The following STK3 variants were observed in gnomAD, a reference collection of about 807,000 sequenced individuals.
STK3 encodes serine/threonine kinase 3.
STK3 carries 41 observed loss-of-function variants against 58.0 expected under a neutral mutation model. That is an observed-to-expected ratio of 0.71 (90% CI 0.55 to 0.92). STK3 has a LOEUF of 0.92. Ranked by LOEUF, STK3 falls within the 40% of genes least tolerant of loss-of-function variation. The probability of loss-of-function intolerance (pLI) is 0.00; values close to 1 mark genes in which losing one functional copy is unlikely to be tolerated. For missense variants in STK3, 479 were observed against 602.7 expected (o/e 0.79, Z 2.15); for synonymous variants, 170 against 191.0 (o/e 0.89, Z 0.91).
intron 6 of STK3, among the ~76,000 whole-genome samples, chr8:98,631,105 C>A (rs1248107414): frequency 6.6e-6 from 1 of 152,108 alleles, no homozygotes; most frequent in Non-Finnish European, 1.5e-5. Flanking sequence ...ACCTTTACTA[C>A]CCTGGTTCAG....
chr8:98,733,112 T>C (rs1828327286), intron 4 of STK3, among the ~76,000 whole-genome samples: 1 of 152,246 alleles, frequency 6.6e-6, no homozygotes, highest in African/African-American at 2.4e-5. Context: ...TTCCAAGATG[T>C]TCTTTGCCCT....
At chr8:98,456,827 C>G (rs1819526005) in intron 10 of STK3, among the ~76,000 whole-genome samples, 1 of 152,190 alleles carries the variant, frequency 6.6e-6, no homozygotes, top group Non-Finnish European at 1.5e-5. Flanking sequence ...AGGAAAAATA[C>G]TCATTACTTA....
At chr8:98,869,634 G>C (rs775787162) in intron 3 of STK3, among the ~76,000 whole-genome samples, 46 of 152,140 alleles carry the variant, frequency 3.0e-4, no homozygotes, top group Non-Finnish European at 5.3e-4. Flanking sequence ...CCGAAAGCTG[G>C]GAGAGGCAAG....
At chr8:98,725,819 CACTT>C (rs1464552993) in intron 4 of STK3, among the ~76,000 whole-genome samples, 1 of 152,164 alleles carries the variant, frequency 6.6e-6, no homozygotes, top group East Asian at 1.9e-4. Flanking sequence ...AGTCCTCTGA[CACTT>C]ACCATGTTTT....
chr8:98,711,428 G>C (rs1188249253), intron 4 of STK3, among the ~76,000 whole-genome samples: 2 of 152,064 alleles, frequency 1.3e-5, no homozygotes, highest in African/African-American at 2.4e-5. Context: ...CCAATGCAGA[G>C]AAGTCCTTAA....
At chr8:98,351,589 A>G in the STK3 span, among the ~76,000 whole-genome samples, 1 of 152,136 alleles carries the variant, frequency 6.6e-6, no homozygotes, top group Non-Finnish European at 1.5e-5. Flanking sequence ...CTGTCATCAA[A>G]TATGCTTTCT....
intron 3 of STK3, among the ~76,000 whole-genome samples, chr8:98,414,517 T>C (rs1818092767): frequency 6.6e-6 from 1 of 152,184 alleles, no homozygotes; most frequent in East Asian, 1.9e-4. Flanking sequence ...ACCCCACAAA[T>C]AGAACCTACA....
At chr8:98,623,718 C>G (rs1056190071) in intron 6 of STK3, among the ~76,000 whole-genome samples, 1 of 152,112 alleles carries the variant, frequency 6.6e-6, no homozygotes. Flanking sequence ...CAGGAGGTCG[C>G]GGCTGCAGTG....
intron 1 of STK3, among the ~76,000 whole-genome samples, chr8:98,924,927 G>A (rs530093544): frequency 3.9e-5 from 6 of 152,084 alleles, no homozygotes; most frequent in East Asian, 1.9e-4. Flanking sequence ...TGTAAGGCAC[G>A]GTATGGTACC....
intron 6 of STK3, among the ~76,000 whole-genome samples, chr8:98,657,509 C>T (rs773150773): frequency 6.6e-6 from 1 of 151,700 alleles, no homozygotes; most frequent in Non-Finnish European, 1.5e-5. Flanking sequence ...GAATTCCTAG[C>T]GAAAAGAAAA....
At chr8:98,829,099 C>G (rs562660461), upstream of STK3, among the ~76,000 whole-genome samples, 7 of 152,344 alleles carry the variant, frequency 4.6e-5, no homozygotes, top group Admixed American at 1.3e-4. Context: ...AAGAGATCAT[C>G]TGAGGGAGAA....
the STK3 span, among the ~76,000 whole-genome samples, chr8:98,355,256 TTC>T: frequency 6.6e-6 from 1 of 152,212 alleles, no homozygotes; most frequent in Non-Finnish European, 1.5e-5. Context: ...GGCTGGAATT[TTC>T]TCTCTCTCCA....
At chr8:98,590,465 T>A (rs1203085410) in intron 7 of STK3, among the ~76,000 whole-genome samples, 1 of 152,148 alleles carries the variant, frequency 6.6e-6, no homozygotes, top group Non-Finnish European at 1.5e-5. Context: ...TTCCAGGGGC[T>A]CTGGGAGTGG....
intron 8 of STK3, among the ~76,000 whole-genome samples, chr8:98,577,098 T>C (rs1005997059): frequency 1.3e-5 from 2 of 152,220 alleles, no homozygotes; most frequent in Admixed American, 1.3e-4. Flanking sequence ...TCCAGAGTTA[T>C]GCAAAAGTTG....
chr8:98,405,695 A>T (rs907473033), intron 3 of STK3, among the ~76,000 whole-genome samples: 5 of 152,200 alleles, frequency 3.3e-5, no homozygotes, highest in Non-Finnish European at 7.3e-5. Flanking sequence ...GCAATTTACA[A>T]AAGAAAGAGG....
chr8:98,826,752 C>T (rs1484872697), upstream of STK3, among the ~76,000 whole-genome samples: 5 of 144,456 alleles, frequency 3.5e-5, no homozygotes, highest in African/African-American at 1.3e-4. Context: ...GGGCCGGGCG[C>T]GGTGGCTCAC....
chr8:98,581,112 C>T (rs1813845103), intron 7 of STK3, among the ~76,000 whole-genome samples: 1 of 152,150 alleles, frequency 6.6e-6, no homozygotes, highest in African/African-American at 2.4e-5. Flanking sequence ...TCAACTTAAC[C>T]CATTCAGGTG....
intron 1 of STK3, among the ~76,000 whole-genome samples, chr8:98,939,311 C>T (rs1840309470): frequency 6.6e-6 from 1 of 152,204 alleles, no homozygotes; most frequent in Non-Finnish European, 1.5e-5. Flanking sequence ...TAGTGGTTCT[C>T]AAACTTTACC....
intron 10 of STK3, chr8:98,462,951 T>C (rs1171800915): frequency 6.6e-6 from 1 of 152,206 alleles, no homozygotes. Context: ...TAGAAATATA[T>C]GGAATGCTTC....
Sources: gnomAD v4.1 joint callset for allele counts (sites outside exome capture counted in the v4.1 genomes callset) on GRCh38, gnomAD v4.1.1 for gene constraint, MANE v1.5 for transcripts, NCBI Gene and HGNC (gene_info 2026-07-23, HGNC 2026-07-21) for gene names.